The following CSRNP3 variants were observed in gnomAD, a reference collection of about 807,000 sequenced individuals.
CSRNP3 encodes the protein cysteine and serine rich nuclear protein 3, also known as cysteine/serine-rich nuclear protein 3.
In CSRNP3, 12 loss-of-function variants were observed where a neutral mutation model predicts 48.0. The ratio of observed to expected loss-of-function variants is 0.25; its 90% CI spans 0.16 to 0.41. The LOEUF is 0.41. Ranked by LOEUF, CSRNP3 falls within the 10% of genes least tolerant of loss-of-function variation. The pLI is 1.00. For missense variants in CSRNP3, 580 were observed against 724.4 expected (o/e 0.80, Z 2.29); for synonymous variants, 263 against 269.7 (o/e 0.98, Z 0.24).
chr2:165,663,161 C>A (rs941359865), intron 5 of CSRNP3, among the ~76,000 whole-genome samples: 1 of 152,110 alleles, frequency 6.6e-6, no homozygotes, highest in African/African-American at 2.4e-5. Context: ...GCCTTAAATG[C>A]CCTGATAGAT....
chr2:165,509,634 G>A (rs2105225749), intron 2 of CSRNP3, among the ~76,000 whole-genome samples: 1 of 152,192 alleles, frequency 6.6e-6, no homozygotes, highest in Non-Finnish European at 1.5e-5. Context: ...TTAGAGTTTT[G>A]AAAAAGTTGC....
chr2:165,648,458 A>G (rs1686849889), intron 4 of CSRNP3, among the ~76,000 whole-genome samples: 1 of 152,174 alleles, frequency 6.6e-6, no homozygotes, highest in African/African-American at 2.4e-5. Context: ...TCAATTAGAT[A>G]TAAAAATTAT....
chr2:165,542,224 A>C (rs1684966978), intron 3 of CSRNP3, among the ~76,000 whole-genome samples: 1 of 152,200 alleles, frequency 6.6e-6, no homozygotes, highest in Non-Finnish European at 1.5e-5. Context: ...GATCTGTGCC[A>C]GTAAATGGCA....
At chr2:165,678,583 T>C (rs1360292143) in intron 6 of CSRNP3, 118 bp from the exon 7 acceptor site, 6 of 1,218,560 alleles carry the variant, frequency 4.9e-6, no homozygotes, top group African/African-American at 1.5e-5. Context: ...TCATTTGCTC[T>C]GGCATATGTG....
intron 1 of CSRNP3, among the ~76,000 whole-genome samples, chr2:165,480,030 A>G (rs1477911656): frequency 6.6e-6 from 1 of 152,152 alleles, no homozygotes; most frequent in Non-Finnish European, 1.5e-5. Context: ...TGTTTTTGGC[A>G]GAATTCTGCT....
At chr2:165,644,622 G>A (rs758676628) in intron 4 of CSRNP3, among the ~76,000 whole-genome samples, 3 of 152,098 alleles carry the variant, frequency 2.0e-5, no homozygotes, top group Non-Finnish European at 2.9e-5. Context: ...TTTATTATCA[G>A]TATCGAAGCA....
chr2:165,603,973 A>G (rs947411376), intron 4 of CSRNP3, among the ~76,000 whole-genome samples: 3 of 152,226 alleles, frequency 2.0e-5, no homozygotes, highest in Admixed American at 1.3e-4. Context: ...AGGGCTCTCA[A>G]AATGAGTTTT....
chr2:165,615,458 G>A (rs1686222194), intron 4 of CSRNP3, among the ~76,000 whole-genome samples: 1 of 151,802 alleles, frequency 6.6e-6, no homozygotes, highest in Non-Finnish European at 1.5e-5. Context: ...CAGGAGAATG[G>A]TGTGAACCCG....
At position 165,594,531 on chromosome 2, in the gene CSRNP3, C is replaced by T. The variant is rs543219753; in HGVS notation, c.-23-512C>T. On this transcript the variant is annotated intron_variant, in intron 3 of 6. Transcript: ENST00000651982. ...TCAGTAAGCAGGTAGCATGGGGATG[C>T]ATGTCACCCATTGCAATACTGAAAT... Among the ~76,000 whole-genome samples the T allele has an allele frequency of 2.6e-4, 40 of 152,322 alleles. No homozygotes were observed. The South Asian group carries it at 7.9e-3, about 30-fold the overall frequency.
At chr2:165,659,729 C>T (rs964711038) in intron 5 of CSRNP3, among the ~76,000 whole-genome samples, 2 of 152,158 alleles carry the variant, frequency 1.3e-5, no homozygotes, top group Non-Finnish European at 2.9e-5. Context: ...GGTAATCCAG[C>T]GTACTTAACA....
chr2:165,480,507 A>G (rs2105448217), intron 1 of CSRNP3, among the ~76,000 whole-genome samples: 1 of 152,210 alleles, frequency 6.6e-6, no homozygotes, highest in East Asian at 1.9e-4. Flanking sequence ...TAAGCACTAT[A>G]TGTGTGTTGA....
At chr2:165,473,254 G>A (rs898052613) in intron 1 of CSRNP3, among the ~76,000 whole-genome samples, 3 of 151,984 alleles carry the variant, frequency 2.0e-5, no homozygotes, top group African/African-American at 7.2e-5. Context: ...GGTTTTCATG[G>A]CCTCTTAAAG....
chr2:165,669,266 AAAG>A, intron 5 of CSRNP3, among the ~76,000 whole-genome samples: 1 of 152,322 alleles, frequency 6.6e-6, no homozygotes, highest in Middle Eastern at 3.4e-3. Context: ...TAAGTGCTAA[AAAG>A]AAGTGTTTTT....
chr2:165,554,776 A>T (rs1472401673), intron 3 of CSRNP3, among the ~76,000 whole-genome samples: 1 of 152,144 alleles, frequency 6.6e-6, no homozygotes, highest in Non-Finnish European at 1.5e-5. Context: ...AGTCATCTTA[A>T]ACCTCATGCA....
At chr2:165,650,176 AC>A (rs1469702300) in intron 4 of CSRNP3, among the ~76,000 whole-genome samples, 2 of 152,288 alleles carry the variant, frequency 1.3e-5, no homozygotes, top group Non-Finnish European at 2.9e-5. Flanking sequence ...ATTACTAAAT[AC>A]CTTATTTGAG....
intron 3 of CSRNP3, among the ~76,000 whole-genome samples, chr2:165,561,070 T>C (rs1448685903): frequency 6.6e-6 from 1 of 152,224 alleles, no homozygotes; most frequent in Non-Finnish European, 1.5e-5. Flanking sequence ...ATTCCTTATA[T>C]TAGTTAGTAA....
intron 2 of CSRNP3, among the ~76,000 whole-genome samples, chr2:165,515,728 T>C (rs1001440296): frequency 2.6e-5 from 4 of 151,956 alleles, no homozygotes; most frequent in African/African-American, 7.2e-5. Flanking sequence ...TGAATGCTAT[T>C]TATAGACATA....
At chr2:165,553,101 T>G (rs1318506827) in intron 3 of CSRNP3, among the ~76,000 whole-genome samples, 4 of 152,204 alleles carry the variant, frequency 2.6e-5, no homozygotes, top group African/African-American at 9.7e-5. Flanking sequence ...TTTTCCTATG[T>G]ATGTACCATA....
intron 3 of CSRNP3, among the ~76,000 whole-genome samples, chr2:165,549,960 T>G (rs893289615): frequency 2.6e-5 from 4 of 152,162 alleles, no homozygotes; most frequent in Non-Finnish European, 4.4e-5. Context: ...ACTGAGGAAT[T>G]ATAACATTTT....
Sources: allele counts gnomAD v4.1 joint callset (sites outside exome capture counted in the v4.1 genomes callset), GRCh38; gene constraint gnomAD v4.1.1; transcripts MANE v1.5; gene names NCBI Gene and HGNC (gene_info 2026-07-23, HGNC 2026-07-21).